SLC22A2: variants seen among roughly 807,000 people sequenced by gnomAD.
The protein encoded by SLC22A2 is organic cation transporter 2.
A neutral mutation model predicts 60.5 loss-of-function variants in SLC22A2; 46 were observed. The observed-to-expected ratio is 0.76, with a 90% CI of 0.60 to 0.97. The LOEUF is 0.97. Ranked by LOEUF, SLC22A2 falls within the 50% of genes least tolerant of loss-of-function variation. The pLI, the probability that SLC22A2 is intolerant of heterozygous loss-of-function variation, is 0.00. For missense variants in SLC22A2, 701 were observed against 706.6 expected, an observed-to-expected ratio of 0.99 and a Z score of 0.09; for synonymous variants, 303 against 267.0, an observed-to-expected ratio of 1.13 and a Z score of -1.31.
intron 1 of SLC22A2, among the ~76,000 whole-genome samples, chr6:160,257,348 G>A (rs1783290784): frequency 6.6e-6 from 1 of 152,198 alleles, no homozygotes; most frequent in Admixed American, 6.5e-5. Context: ...TTTGGAATAA[G>A]AGGAGGTGGT....
At chr6:160,255,940 A>G (rs1382362118) in intron 2 of SLC22A2, among the ~76,000 whole-genome samples, 1 of 152,190 alleles carries the variant, frequency 6.6e-6, no homozygotes, top group Non-Finnish European at 1.5e-5. Context: ...TAAGAGACAT[A>G]GCAATAGCTT....
At chr6:160,245,146 G>A (rs1282953716) in intron 6 of SLC22A2, 2 of 205,518 alleles carry the variant, frequency 9.7e-6, no homozygotes, top group Admixed American at 1.2e-4. Flanking sequence ...CCCTACCCTA[G>A]AACAATTAAA....
At chr6:160,219,905 C>T (rs1204777943) in intron 10 of SLC22A2, among the ~76,000 whole-genome samples, 1 of 152,142 alleles carries the variant, frequency 6.6e-6, no homozygotes, top group Non-Finnish European at 1.5e-5. Context: ...TCATCTGAAC[C>T]TTCAATTTGT....
chr6:160,246,696 G>A (rs970713695), intron 5 of SLC22A2, among the ~76,000 whole-genome samples: 19 of 152,100 alleles, frequency 1.2e-4, no homozygotes, highest in South Asian at 8.3e-4. Context: ...GCAGTGAGCC[G>A]AGATTGTGCC....
Position 160,247,300 on chromosome 6 carries a change from T to C in SLC22A2, c.843-2A>G. Reference sequence around the variant, plus strand: ...CACCTGGGAGACTCAGGTATGCACCTAGGGTACAAGGTGAGCGGAGGGCAA... The same window carrying C: ...CACCTGGGAGACTCAGGTATGCACCCAGGGTACAAGGTGAGCGGAGGGCAA... On this transcript the variant is annotated splice_acceptor_variant, in intron 4 of 10. Coordinates refer to ENST00000366953, the MANE Select transcript of SLC22A2 (RefSeq NM_003058.4). LOFTEE classifies it high-confidence loss of function. 6.4e-7 allele frequency: 1 copy of C among 1,551,764 alleles called. No individual in the cohort carries two copies. The highest frequency in any genetic ancestry group is 2.2e-5 in the East Asian group (1 of 44,544).
chr6:160,227,812 C>T (rs1782747440), intron 9 of SLC22A2, among the ~76,000 whole-genome samples: 1 of 152,164 alleles, frequency 6.6e-6, no homozygotes, highest in South Asian at 2.1e-4. Context: ...CTCATAAAGA[C>T]CTTGCTGGTC....
chr6:160,248,414 T>C (rs1245269846), intron 4 of SLC22A2, among the ~76,000 whole-genome samples: 1 of 152,206 alleles, frequency 6.6e-6, no homozygotes, highest in Non-Finnish European at 1.5e-5. Context: ...GTCACTGCAG[T>C]CTGAGCTGGT....
intron 10 of SLC22A2, among the ~76,000 whole-genome samples, chr6:160,223,438 C>T (rs1220748586): frequency 1.3e-5 from 2 of 152,124 alleles, no homozygotes; most frequent in Admixed American, 1.3e-4. Flanking sequence ...AGAATATATA[C>T]ATTTCTATGT....
chr6:160,252,457 C>T (rs1171741386), intron 2 of SLC22A2, among the ~76,000 whole-genome samples: 1 of 152,186 alleles, frequency 6.6e-6, no homozygotes, highest in East Asian at 1.9e-4. Context: ...GGAAGCAATG[C>T]TACTTAAAAG....
intron 9 of SLC22A2, 91 bp downstream of exon 9, chr6:160,241,383 G>C: frequency 1.3e-6 from 1 of 770,140 alleles, no homozygotes; most frequent in Non-Finnish European, 2.2e-6. Flanking sequence ...TTACTAATAG[G>C]CATGACACCT....
intron 2 of SLC22A2, among the ~76,000 whole-genome samples, chr6:160,253,190 T>C (rs1783215292): frequency 6.6e-6 from 1 of 152,238 alleles, no homozygotes; most frequent in Non-Finnish European, 1.5e-5. Context: ...GGATATTCCA[T>C]AGGCAGTGTG....
rs1554261305 is a variant in SLC22A2 at position 160,250,732 on chromosome 6, T to C, written c.519-30A>G. 22 of 1,604,486 alleles carry C rather than the reference T, an allele frequency of 1.4e-5. No homozygotes were observed. In the South Asian group the frequency reaches 2.3e-4, roughly 17 times the overall value. ...AGGAAGAAAAACAAAGAGAGGGAATTGAATTAATTTTGATTTGTGAAGATT... is the reference window on the plus strand; with the variant it reads ...AGGAAGAAAAACAAAGAGAGGGAATCGAATTAATTTTGATTTGTGAAGATT... On this transcript the variant is annotated intron_variant, in intron 2 of 10. Transcript: ENST00000366953.
At chr6:160,219,604 T>G (rs1292154083) in intron 10 of SLC22A2, among the ~76,000 whole-genome samples, 1 of 151,720 alleles carries the variant, frequency 6.6e-6, no homozygotes, top group Non-Finnish European at 1.5e-5. Flanking sequence ...TGGCCTGTTT[T>G]TTTTTTTTTT....
intron 9 of SLC22A2, among the ~76,000 whole-genome samples, chr6:160,229,452 G>A (rs923760389): frequency 2.2e-4 from 33 of 151,856 alleles, no homozygotes; most frequent in Non-Finnish European, 4.0e-4. Context: ...TGATCACCAC[G>A]GGGATGCTTG....
intron 9 of SLC22A2, among the ~76,000 whole-genome samples, chr6:160,228,853 C>T (rs1389695066): frequency 2.6e-5 from 4 of 151,946 alleles, no homozygotes; most frequent in African/African-American, 7.3e-5. Flanking sequence ...TTGTGTCCCC[C>T]ACCCCTGCCC....
intron 2 of SLC22A2, among the ~76,000 whole-genome samples, chr6:160,255,092 TCTCTC>T (rs1253439103): frequency 5.3e-5 from 8 of 152,194 alleles, no homozygotes; most frequent in African/African-American, 1.9e-4. Flanking sequence ...TGTTAATGTG[TCTCTC>T]CTGATTTAAT....
intron 10 of SLC22A2, among the ~76,000 whole-genome samples, chr6:160,218,903 G>GCAA (rs1396260815): frequency 2.0e-3 from 5 of 2,516 alleles, no homozygotes; most frequent in Non-Finnish European, 2.5e-3. Context: ...AACAGAAGTC[G>GCAA]CAGCAATAAC....
chr6:160,249,266 C>G lies in SLC22A2; in HGVS notation c.792G>C (p.Trp264Cys), dbSNP rs776006162. 3 of 1,611,880 alleles carry G rather than the reference C, an allele frequency of 1.9e-6. No homozygotes were observed. The highest frequency in any genetic ancestry group is 2.5e-6 in the Non-Finnish European group (3 of 1,178,624). Reference sequence around the variant, plus strand: ...TGGGCAGAGAAACTGTGAACTGCAACCACCTCCAGTGAGGAAGTGCGTAAG... The same window carrying G: ...TGGGCAGAGAAACTGTGAACTGCAAGCACCTCCAGTGAGGAAGTGCGTAAG... ...GVAYALPHWR[W>C]LQFTVSLPNF... The change falls in exon 4 of 11, where the codon TGG becomes TGC. Residue 264 changes from tryptophan to cysteine, a missense_variant. Coordinates refer to ENST00000366953, the MANE Select transcript of SLC22A2 (RefSeq NM_003058.4).
At chr6:160,226,249 C>T (rs1465528934) in intron 9 of SLC22A2, among the ~76,000 whole-genome samples, 2 of 152,188 alleles carry the variant, frequency 1.3e-5, no homozygotes, top group Admixed American at 1.3e-4. Context: ...CCAATCAGCA[C>T]TGCCGGCTCA....
Sources: allele counts gnomAD v4.1 joint callset (sites outside exome capture counted in the v4.1 genomes callset), GRCh38; gene constraint gnomAD v4.1.1; transcripts MANE v1.5; gene names NCBI Gene and HGNC (gene_info 2026-07-23, HGNC 2026-07-21).